The following ZNF407 variants were observed in gnomAD, a reference collection of about 807,000 sequenced individuals.
The protein encoded by ZNF407 is zinc finger protein 407.
ZNF407 carries 17 observed loss-of-function variants against 131.2 expected under a neutral mutation model. The ratio of observed to expected loss-of-function variants is 0.13; its 90% confidence interval spans 0.09 to 0.19. The LOEUF is 0.19. Among genes scored for constraint, ZNF407 ranks in the 10% least tolerant of loss-of-function variants. ZNF407 has a pLI of 1.00. For synonymous variants in ZNF407, 1,156 were observed against 1,062.0 expected, an observed-to-expected ratio of 1.09 and a Z score of -1.72; for missense variants, 2,681 against 2,830.6, an observed-to-expected ratio of 0.95 and a Z score of 1.20.
intron 8 of ZNF407, among the ~76,000 whole-genome samples, chr18:74,922,889 C>T (rs1971865139): frequency 1.3e-5 from 2 of 152,162 alleles, no homozygotes; most frequent in South Asian, 4.1e-4. Flanking sequence ...TGATGTCTGG[C>T]CCTGAAAACT....
rs192875197 is a variant in ZNF407 at position 74,734,092 on chromosome 18, G to A, written c.4803-47336G>A. 3.4e-3 allele frequency among the ~76,000 whole-genome samples: 522 copies of A among 152,218 alleles called. 1 individual carries two copies. The highest frequency in any genetic ancestry group is 0.012 in the African/African-American group (502 of 41,520). On this transcript the variant is annotated intron_variant, in intron 3 of 8. Coordinates refer to ENST00000299687, the MANE Select transcript of ZNF407 (RefSeq NM_017757.3). ...CAAGAGTGAAAAGAACGATCTTCCTGCTGTTTGGCTCTGTGTCAGTGTTGA... is the reference window on the plus strand; with the variant it reads ...CAAGAGTGAAAAGAACGATCTTCCTACTGTTTGGCTCTGTGTCAGTGTTGA...
rs745397325 is a variant in ZNF407 at position 74,918,584 on chromosome 18, A to G, written c.5250-1930A>G. ...TCATGAGAGAAAGAAGCTTGTGTGC[A>G]TACATTCACTGTCTTGCATGTATTT... On this transcript the variant is annotated intron_variant, in intron 7 of 8. Transcript: ENST00000299687. Among the ~76,000 whole-genome samples, 18 of 152,312 alleles carry G rather than the reference A, an allele frequency of 1.2e-4. 1 individual carries two copies. Among genetic ancestry groups the G allele is most frequent in the Non-Finnish European group, 2.2e-4 (15 of 68,030 alleles).
chr18:74,718,300 G>A (rs1967946096), intron 3 of ZNF407, among the ~76,000 whole-genome samples: 1 of 151,388 alleles, frequency 6.6e-6, no homozygotes, highest in Non-Finnish European at 1.5e-5. Flanking sequence ...GTGCACTTGT[G>A]TATAAGAGTC....
At chr18:75,039,802 C>T (rs1441250123) in intron 8 of ZNF407, among the ~76,000 whole-genome samples, 1 of 143,222 alleles carries the variant, frequency 7.0e-6, no homozygotes, top group East Asian at 2.1e-4. Flanking sequence ...TGAGTTAATG[C>T]AGGTTATAGT....
At chr18:74,953,554 G>A (rs1342967809) in intron 8 of ZNF407, among the ~76,000 whole-genome samples, 4 of 152,190 alleles carry the variant, frequency 2.6e-5, no homozygotes, top group African/African-American at 7.2e-5. Flanking sequence ...TGATAGACAT[G>A]CAGCTTCCTT....
intron 3 of ZNF407, among the ~76,000 whole-genome samples, chr18:74,648,188 C>T (rs1314731808): frequency 6.6e-6 from 1 of 152,164 alleles, no homozygotes; most frequent in Non-Finnish European, 1.5e-5. Context: ...CTTCAGAAAA[C>T]ACTTCCTTGG....
chr18:74,748,472 C>T (rs907503238), intron 3 of ZNF407, among the ~76,000 whole-genome samples: 2 of 151,990 alleles, frequency 1.3e-5, no homozygotes, highest in Admixed American at 6.6e-5. Context: ...ATCATTGCTG[C>T]ACATTTTTAT....
intron 3 of ZNF407, among the ~76,000 whole-genome samples, chr18:74,677,340 C>T (rs1424508233): frequency 6.6e-6 from 1 of 152,220 alleles, no homozygotes; most frequent in African/African-American, 2.4e-5. Context: ...ATCCACCCAC[C>T]TTGGCCTCAG....
At chr18:74,690,952 C>T (rs903262415) in intron 3 of ZNF407, among the ~76,000 whole-genome samples, 3 of 152,144 alleles carry the variant, frequency 2.0e-5, no homozygotes, top group Non-Finnish European at 2.9e-5. Context: ...CAATATTCTT[C>T]GTATGCTTCA....
intron 8 of ZNF407, among the ~76,000 whole-genome samples, chr18:74,953,151 G>A (rs765529319): frequency 2.0e-5 from 3 of 148,982 alleles, no homozygotes; most frequent in Non-Finnish European, 4.4e-5. Context: ...GAAATGAGAC[G>A]TCTTGGCAAG....
chr18:74,755,582 G>GTTTTTTTTTTTTTT (rs541126314), intron 3 of ZNF407, among the ~76,000 whole-genome samples: 6 of 87,338 alleles, frequency 6.9e-5, no homozygotes, highest in African/African-American at 3.4e-4. Flanking sequence ...CTCCTTTCTG[G>GTTTTTTTTTTTTTT]TTTTTTTTTT....
At chr18:74,896,230 C>T (rs1215160361) in intron 7 of ZNF407, among the ~76,000 whole-genome samples, 1 of 152,038 alleles carries the variant, frequency 6.6e-6, no homozygotes, top group African/African-American at 2.4e-5. Context: ...TGCCACAAAC[C>T]TGGTTTGATC....
chr18:74,818,187 C>T (rs1970292977), intron 4 of ZNF407, among the ~76,000 whole-genome samples: 2 of 152,118 alleles, frequency 1.3e-5, no homozygotes, highest in African/African-American at 4.8e-5. Flanking sequence ...CCATGTCTCC[C>T]TTGTGTGTTA....
chr18:74,865,973 A>G (rs982249046), intron 4 of ZNF407, among the ~76,000 whole-genome samples: 1 of 152,224 alleles, frequency 6.6e-6, no homozygotes, highest in African/African-American at 2.4e-5. Flanking sequence ...TATTTTATTA[A>G]CTACTTATTC....
At chr18:74,821,630 A>G (rs961073034) in intron 4 of ZNF407, among the ~76,000 whole-genome samples, 1 of 152,132 alleles carries the variant, frequency 6.6e-6, no homozygotes, top group Admixed American at 6.5e-5. Flanking sequence ...ATAGTATTCC[A>G]TGGTGTATAT....
chr18:74,632,807 A>G lies in ZNF407; in HGVS notation c.1788A>G (p.Ile596Met), dbSNP rs781074888. The G allele has an allele frequency of 2.7e-5, 44 of 1,613,898 alleles. No homozygotes were observed. In the Middle Eastern group the frequency reaches 4.9e-4, roughly 18 times the overall value. ...TGAGTTGTCAGTGTTGTTCATTTATATCCTTGGATGAAATAAATCTTAGAG... is the reference window on the plus strand; with the variant it reads ...TGAGTTGTCAGTGTTGTTCATTTATGTCCTTGGATGAAATAAATCTTAGAG... ...SVLSCQCCSF[I>M]SLDEINLRDH... The change falls in exon 2 of 9, where the codon ATA (isoleucine) becomes ATG (methionine). Residue 596 changes from isoleucine (I) to methionine (M), a missense_variant. Coordinates refer to ENST00000299687, the MANE Select transcript of ZNF407 (RefSeq NM_017757.3).
chr18:74,701,475 A>C (rs1326735627), intron 3 of ZNF407, among the ~76,000 whole-genome samples: 1 of 152,178 alleles, frequency 6.6e-6, no homozygotes, highest in Admixed American at 6.5e-5. Context: ...GTTTCATGCT[A>C]TGTATGTATA....
At chr18:74,861,872 A>G (rs553631192) in intron 4 of ZNF407, among the ~76,000 whole-genome samples, 2 of 152,334 alleles carry the variant, frequency 1.3e-5, no homozygotes, top group African/African-American at 4.8e-5. Context: ...GAATCTGTAA[A>G]TTAAATCCTA....
intron 3 of ZNF407, among the ~76,000 whole-genome samples, chr18:74,676,454 T>TG (rs1986366543): frequency 7.1e-6 from 1 of 140,202 alleles, no homozygotes; most frequent in Non-Finnish European, 1.6e-5. Context: ...TTTTTTTTTT[T>TG]GAGACGGAGT....
Sources: allele counts gnomAD v4.1 joint callset (sites outside exome capture counted in the v4.1 genomes callset), GRCh38; gene constraint gnomAD v4.1.1; transcripts MANE v1.5; gene names NCBI Gene and HGNC (gene_info 2026-07-23, HGNC 2026-07-21).